KIAA1755: variants seen among roughly 807,000 people sequenced by gnomAD.
KIAA1755 encodes the protein uncharacterized protein KIAA1755.
In KIAA1755, 68 loss-of-function variants were observed where a neutral mutation model predicts 91.7. The observed-to-expected ratio is 0.74, with a 90% CI of 0.61 to 0.91. KIAA1755 has a LOEUF of 0.91. Among genes scored for constraint, KIAA1755 ranks in the 40% least tolerant of loss-of-function variants. The pLI is 0.00. For missense variants in KIAA1755, 1,535 were observed against 1,494.4 expected (o/e 1.03, Z -0.45); for synonymous variants, 610 against 604.6 (o/e 1.01, Z -0.13).
chr20:38,231,144 C>T (rs985553666), intron 5 of KIAA1755, 58 bp downstream of exon 5: 1 of 1,550,704 alleles, frequency 6.4e-7, no homozygotes, highest in Non-Finnish European at 8.7e-7. Flanking sequence ...TGGTCCAGGG[C>T]TCTGGGCCCA....
At chr20:38,253,400 T>C (rs1312158381) in intron 1 of KIAA1755, among the ~76,000 whole-genome samples, 1 of 152,128 alleles carries the variant, frequency 6.6e-6, no homozygotes. Flanking sequence ...TTTTATCAAG[T>C]AAAATAAACA....
chr20:38,216,994 C>A, intron 13 of KIAA1755: 1 of 673,878 alleles, frequency 1.5e-6, no homozygotes. Context: ...CTGTTTTTTT[C>A]CTGTTACAAG....
At chr20:38,229,148 C>T (rs2075816778) in intron 5 of KIAA1755, among the ~76,000 whole-genome samples, 1 of 152,208 alleles carries the variant, frequency 6.6e-6, no homozygotes, top group African/African-American at 2.4e-5. Flanking sequence ...TACAACCACT[C>T]AGTGCACAGA....
At position 38,223,526 on chromosome 20, in the gene KIAA1755, C is replaced by T. The variant is rs752063408; in HGVS notation, c.2268+12G>A. The T allele has an allele frequency of 1.5e-5, 23 of 1,565,514 alleles. No homozygotes were observed. The highest frequency in any genetic ancestry group is 4.3e-6 in the Non-Finnish European group (5 of 1,160,746). ...TGATGTAGCTTCCCCAGTCACCATG[C>T]TCCAGGCTCACCTGCATCCCCCCAG... On this transcript the variant is annotated intron_variant, in intron 9 of 13. Transcript: ENST00000279024.
intron 1 of KIAA1755, among the ~76,000 whole-genome samples, chr20:38,252,201 C>G (rs980009291): frequency 6.6e-6 from 1 of 152,164 alleles, no homozygotes; most frequent in African/African-American, 2.4e-5. Context: ...TGTACAGGGT[C>G]TTGGGGAAAG....
intron 5 of KIAA1755, 29 bp from the exon 6 acceptor site, chr20:38,228,269 T>C: frequency 6.4e-7 from 1 of 1,556,342 alleles, no homozygotes; most frequent in Non-Finnish European, 8.7e-7. Context: ...ATTGACAGTC[T>C]TGCTGGATGG....
chr20:38,216,762 T>C, intron 13 of KIAA1755: 1 of 455,244 alleles, frequency 2.2e-6, no homozygotes, highest in Non-Finnish European at 4.4e-6. Context: ...TGGATAAGAA[T>C]GAAGTCAAGT....
At chr20:38,216,906 T>C (rs1202811137) in intron 13 of KIAA1755, 1 of 534,666 alleles carries the variant, frequency 1.9e-6, no homozygotes, top group Non-Finnish European at 3.6e-6. Flanking sequence ...ATTTCTCTTC[T>C]CTTTGGGGAA....
chr20:38,246,008 T>C lies in KIAA1755; in HGVS notation c.122A>G (p.Gln41Arg), dbSNP rs777858196. 9.3e-6 allele frequency: 15 copies of C among 1,613,926 alleles called. No individual in the cohort carries two copies. The South Asian group carries it at 1.4e-4, about 15-fold the overall frequency. ...CAGAAGGAAGCTCAGCCCATCCCCC[T>C]GGAAGCCAGAGTCCAGGAGACGGAA... ...QVFRLLDSGF[Q>R]GDGLSFLLDF... The change falls in exon 2 of 14, where the codon CAG becomes CGG. Residue 41 changes from glutamine (Q) to arginine (R), a missense_variant. Physicochemically the swap from Gln to Arg is conservative, Grantham distance 43. Transcript: ENST00000279024.
At chr20:38,238,963 CT>C (rs2076005828) in intron 4 of KIAA1755, among the ~76,000 whole-genome samples, 1 of 152,244 alleles carries the variant, frequency 6.6e-6, no homozygotes, top group African/African-American at 2.4e-5. Flanking sequence ...CTGGCTCCCC[CT>C]GCCCCACCCC....
chr20:38,259,456 TGTGTGTGTGCATGTGTAC>T (rs2076397993), intron 1 of KIAA1755, among the ~76,000 whole-genome samples: 1 of 130,516 alleles, frequency 7.7e-6, no homozygotes. Context: ...TGCATGTGTA[TGTGTGTGTGCATGTGTAC>T]GTGTGTGTGC....
At chr20:38,225,327 A>T (rs540487835) in intron 8 of KIAA1755, among the ~76,000 whole-genome samples, 1 of 152,308 alleles carries the variant, frequency 6.6e-6, no homozygotes, top group Non-Finnish European at 1.5e-5. Flanking sequence ...CAGTTAACAT[A>T]GACCTAGCTC....
In KIAA1755 at chr20:38,241,453, C is replaced by G. The variant is rs772990919; in HGVS notation, c.678G>C (p.Gln226His). The stretch of plus-strand genomic sequence containing the variant: ...TGGCCAAACTCTGGGCAGGAAGCAC[C>G]TGGTTGTCTGGGGAGCTGGCCTGGT... ...ELHQASSPDN[Q>H]VLPAQSLAKG... The change falls in exon 3 of 14, where the codon CAG becomes CAC. Residue 226 changes from glutamine to histidine, a missense_variant. Transcript: ENST00000279024. 5.0e-6 allele frequency: 8 copies of G among 1,614,216 alleles called. No individual in the cohort carries two copies. The Admixed American group carries it at 1.2e-4, about 24-fold the overall frequency.
At chr20:38,250,006 T>G (rs2076220550) in intron 1 of KIAA1755, among the ~76,000 whole-genome samples, 2 of 152,204 alleles carry the variant, frequency 1.3e-5, no homozygotes, top group Non-Finnish European at 2.9e-5. Context: ...TCTTTCCTTG[T>G]GTAAAGAAAG....
intron 1 of KIAA1755, among the ~76,000 whole-genome samples, chr20:38,249,675 C>G (rs1210529316): frequency 1.3e-5 from 2 of 149,520 alleles, no homozygotes; most frequent in Non-Finnish European, 3.0e-5. Context: ...GATGATGGAC[C>G]GACAGGCATC....
intron 8 of KIAA1755, among the ~76,000 whole-genome samples, chr20:38,224,514 C>T (rs1418000408): frequency 6.6e-6 from 1 of 152,174 alleles, no homozygotes; most frequent in Non-Finnish European, 1.5e-5. Flanking sequence ...TTAGTATAGA[C>T]CGGCGGTTCT....
intron 13 of KIAA1755, 161 bp downstream of exon 13, chr20:38,217,092 T>A (rs927619026): frequency 1.6e-6 from 1 of 642,488 alleles, no homozygotes; most frequent in African/African-American, 1.8e-5. Context: ...GGGGGTGGTG[T>A]CTGTGCAAGT....
intron 8 of KIAA1755, among the ~76,000 whole-genome samples, chr20:38,224,786 C>T (rs1323724352): frequency 5.3e-5 from 8 of 152,160 alleles, no homozygotes; most frequent in Admixed American, 5.2e-4. Context: ...CACCGAAAGG[C>T]ACCCTCGCCC....
At chr20:38,252,225 C>T (rs77082727) in intron 1 of KIAA1755, among the ~76,000 whole-genome samples, 5,070 of 152,172 alleles carry the variant, frequency 0.033, 109 homozygotes, top group African/African-American at 0.058. Flanking sequence ...AAGGCATGGC[C>T]GCTGCTGTTA....
Sources: allele counts gnomAD v4.1 joint callset (sites outside exome capture counted in the v4.1 genomes callset), GRCh38; gene constraint gnomAD v4.1.1; transcripts MANE v1.5; gene names NCBI Gene and HGNC (gene_info 2026-07-23, HGNC 2026-07-21).